Variants in GPM6A observed in about 807,000 individuals in gnomAD.
GPM6A encodes neuronal membrane glycoprotein M6-a.
A neutral mutation model predicts 32.1 loss-of-function variants in GPM6A; 7 were observed. The observed-to-expected ratio is 0.22, with a 90% CI of 0.12 to 0.41. The LOEUF (loss-of-function observed/expected upper bound fraction) is 0.41. Ranked by LOEUF, GPM6A falls within the 10% of genes least tolerant of loss-of-function variation. The probability of loss-of-function intolerance (pLI) is 1.00; values close to 1 mark genes in which losing one functional copy is unlikely to be tolerated. For synonymous variants in GPM6A, 130 were observed against 123.4 expected (o/e 1.05, Z -0.35); for missense variants, 235 against 347.2 (o/e 0.68, Z 2.57).
At position 175,787,225 on chromosome 4, in the gene GPM6A, T is replaced by A. The variant is rs73006386; in HGVS notation, c.37+24966A>T. 639 of 697,356 alleles carry A rather than the reference T, an allele frequency of 9.2e-4. 2 individuals are homozygous for A. The African/African-American group carries it at 0.01, about 11-fold the overall frequency. The allele number at this position is 697,356 out of a possible 1,614,324, so 43.2% of individuals were successfully genotyped here. A position where few individuals can be genotyped will look rare whatever the true frequency, so the allele number is the denominator to read the frequency against. On this transcript the variant is annotated intron_variant, in intron 1 of 6. Coordinates refer to ENST00000393658, the MANE Select transcript of GPM6A (RefSeq NM_201591.3). ...ACATGCCAATTAATAAAATTCATCT[T>A]AAAGCTTTAATAATGTATTTAATGA...
chr4:175,703,815 T>C (rs1252524285), intron 1 of GPM6A, among the ~76,000 whole-genome samples: 2 of 152,190 alleles, frequency 1.3e-5, no homozygotes, highest in East Asian at 1.9e-4. Flanking sequence ...CTTGCAAGGA[T>C]GACCTAGGTT....
chr4:175,671,447 T>C (rs894701854), intron 3 of GPM6A, among the ~76,000 whole-genome samples: 3 of 37,940 alleles, frequency 7.9e-5, no homozygotes, highest in Non-Finnish European at 1.7e-4. Context: ...CATAATAAAG[T>C]AGACCGTAAG....
intron 1 of GPM6A, among the ~76,000 whole-genome samples, chr4:175,944,510 A>G (rs1381593246): frequency 6.6e-6 from 1 of 152,224 alleles, no homozygotes; most frequent in African/African-American, 2.4e-5. Context: ...TACATAGATT[A>G]AAATACATTA....
chr4:175,977,147 A>AT (rs1240304277), intron 1 of GPM6A, among the ~76,000 whole-genome samples: 1 of 152,246 alleles, frequency 6.6e-6, no homozygotes, highest in Non-Finnish European at 1.5e-5. Flanking sequence ...AAAAGACAAC[A>AT]TATCTGAGAC....
upstream of GPM6A, among the ~76,000 whole-genome samples, chr4:175,815,937 G>A (rs966024587): frequency 2.6e-5 from 4 of 151,762 alleles, no homozygotes; most frequent in African/African-American, 7.3e-5. Flanking sequence ...GGCTGGTCTC[G>A]AACTCCCAAC....
intron 3 of GPM6A, among the ~76,000 whole-genome samples, chr4:175,664,591 A>C (rs1436355132): frequency 6.6e-6 from 1 of 152,232 alleles, no homozygotes; most frequent in Non-Finnish European, 1.5e-5. Context: ...AATCATGTTC[A>C]TATACTTCAA....
chr4:175,707,092 T>A lies in GPM6A; in HGVS notation c.38-5325A>T, dbSNP rs146941137. Among the ~76,000 whole-genome samples the A allele has an allele frequency of 5.9e-3, 893 of 152,332 alleles. 8 individuals carry two copies. The highest frequency in any genetic ancestry group is 0.02 in the Middle Eastern group (6 of 294). On this transcript the variant is annotated intron_variant, in intron 1 of 6. Transcript: ENST00000393658. The stretch of plus-strand genomic sequence containing the variant: ...AAAAACTCATGAATTATCCACTCCT[T>A]GTTTAGCATATAATCAAGAAGTAAC...
intron 1 of GPM6A, among the ~76,000 whole-genome samples, chr4:175,797,775 C>T (rs141024170): frequency 3.3e-5 from 5 of 152,252 alleles, no homozygotes; most frequent in East Asian, 1.9e-4. Context: ...TTGTCCAGAA[C>T]ACCCTTAAAG....
intron 1 of GPM6A, among the ~76,000 whole-genome samples, chr4:175,766,220 G>A (rs889944357): frequency 3.3e-5 from 5 of 152,118 alleles, no homozygotes; most frequent in African/African-American, 1.2e-4. Context: ...AATAGTTCAT[G>A]TAATTAAAAT....
At chr4:175,900,029 C>G (rs1249505006) in intron 1 of GPM6A, among the ~76,000 whole-genome samples, 2 of 152,012 alleles carry the variant, frequency 1.3e-5, no homozygotes, top group African/African-American at 4.8e-5. Context: ...CCTGTAATCC[C>G]AGCACGTTGG....
intron 1 of GPM6A, among the ~76,000 whole-genome samples, chr4:175,713,677 C>T (rs1308689284): frequency 3.9e-5 from 6 of 152,144 alleles, no homozygotes; most frequent in Non-Finnish European, 8.8e-5. Context: ...AGGTGTTTAT[C>T]TTAAACATTG....
intron 1 of GPM6A, among the ~76,000 whole-genome samples, chr4:175,740,587 C>T (rs1211362522): frequency 6.6e-6 from 1 of 152,060 alleles, no homozygotes; most frequent in African/African-American, 2.4e-5. Flanking sequence ...AATAGTGATA[C>T]ATTTTGAGCT....
intron 4 of GPM6A, among the ~76,000 whole-genome samples, chr4:175,643,056 G>T (rs967576288): frequency 6.6e-6 from 1 of 151,944 alleles, no homozygotes; most frequent in East Asian, 1.9e-4. Flanking sequence ...CAATCTATCA[G>T]GAAATTCTGC....
chr4:175,873,759 C>G (rs1332299939), intron 1 of GPM6A, among the ~76,000 whole-genome samples: 1 of 152,170 alleles, frequency 6.6e-6, no homozygotes, highest in African/African-American at 2.4e-5. Flanking sequence ...GGTCTCCTCA[C>G]TATTACAGAC....
chr4:175,957,855 T>C (rs1027553291), intron 1 of GPM6A, among the ~76,000 whole-genome samples: 3 of 152,228 alleles, frequency 2.0e-5, no homozygotes, highest in African/African-American at 7.2e-5. Flanking sequence ...CACCGATATT[T>C]CACAGTTTCT....
At chr4:175,972,150 C>T (rs772632273) in intron 1 of GPM6A, among the ~76,000 whole-genome samples, 12 of 151,958 alleles carry the variant, frequency 7.9e-5, no homozygotes, top group Non-Finnish European at 1.3e-4. Flanking sequence ...AAAGAACCCC[C>T]GTGTAGCTCT....
chr4:175,947,277 T>A (rs1739639666), intron 1 of GPM6A, among the ~76,000 whole-genome samples: 1 of 152,050 alleles, frequency 6.6e-6, no homozygotes, highest in African/African-American at 2.4e-5. Flanking sequence ...TTTGAACATT[T>A]AGCATTAGAA....
At chr4:175,755,955 C>T (rs1732507085) in intron 1 of GPM6A, among the ~76,000 whole-genome samples, 1 of 151,846 alleles carries the variant, frequency 6.6e-6, no homozygotes, top group African/African-American at 2.4e-5. Context: ...GACAGAAAGG[C>T]AAACCAAAAA....
At chr4:175,825,986 C>A (rs963269481) in intron 1 of GPM6A, among the ~76,000 whole-genome samples, 1 of 152,024 alleles carries the variant, frequency 6.6e-6, no homozygotes, top group African/African-American at 2.4e-5. Context: ...TCAAGACCAG[C>A]CTGGACAACA....
Sources: allele counts gnomAD v4.1 joint callset (sites outside exome capture counted in the v4.1 genomes callset), GRCh38; gene constraint gnomAD v4.1.1; transcripts MANE v1.5; gene names NCBI Gene and HGNC (gene_info 2026-07-23, HGNC 2026-07-21).